CNTNAP5: variants seen among roughly 807,000 people sequenced by gnomAD.
CNTNAP5 encodes contactin associated protein family member 5.
In CNTNAP5, 72 loss-of-function variants were observed where a neutral mutation model predicts 150.2. The observed-to-expected ratio is 0.48, with a 90% CI of 0.40 to 0.58. CNTNAP5 has a LOEUF of 0.58. CNTNAP5 is among the 20% of genes least tolerant of loss of function. CNTNAP5 has a pLI of 0.00. For missense variants in CNTNAP5, 1,636 were observed against 1,626.2 expected (o/e 1.01, Z -0.10); for synonymous variants, 672 against 619.8 (o/e 1.08, Z -1.25).
At chr2:124,748,104 C>T (rs1680648443) in intron 14 of CNTNAP5, among the ~76,000 whole-genome samples, 1 of 151,924 alleles carries the variant, frequency 6.6e-6, no homozygotes, top group African/African-American at 2.4e-5. Context: ...TCTTCATGCT[C>T]CCATTGATGT....
intron 3 of CNTNAP5, among the ~76,000 whole-genome samples, chr2:124,306,719 C>CTTTTTTTTTT (rs762901729): frequency 1.2e-4 from 8 of 64,336 alleles, no homozygotes; most frequent in African/African-American, 4.4e-4. Context: ...CTCTCTCTTT[C>CTTTTTTTTTT]TTTTTTTTTT....
intron 3 of CNTNAP5, among the ~76,000 whole-genome samples, chr2:124,304,943 G>A (rs545892001): frequency 6.6e-6 from 1 of 151,890 alleles, no homozygotes; most frequent in South Asian, 2.1e-4. Flanking sequence ...TAGATTGGGG[G>A]TTATCCCAGG....
chr2:124,677,373 A>G (rs1270825175), intron 13 of CNTNAP5, among the ~76,000 whole-genome samples: 2 of 152,216 alleles, frequency 1.3e-5, no homozygotes, highest in African/African-American at 4.8e-5. Flanking sequence ...AGCAAGATTT[A>G]GTGTGAAGAG....
intron 12 of CNTNAP5, among the ~76,000 whole-genome samples, chr2:124,635,866 C>A (rs1391823545): frequency 6.6e-6 from 1 of 152,176 alleles, no homozygotes; most frequent in Non-Finnish European, 1.5e-5. Context: ...AATCAGCCTG[C>A]ATTCTCAGTG....
chr2:124,531,548 GA>G (rs1695109851), intron 10 of CNTNAP5, among the ~76,000 whole-genome samples: 1 of 152,064 alleles, frequency 6.6e-6, no homozygotes, highest in African/African-American at 2.4e-5. Context: ...ATCTATCCCT[GA>G]GTAGGATATG....
At chr2:124,483,746 CTG>C (rs1342106236) in intron 7 of CNTNAP5, among the ~76,000 whole-genome samples, 2 of 152,238 alleles carry the variant, frequency 1.3e-5, no homozygotes, top group Non-Finnish European at 2.9e-5. Context: ...TGAACATCTA[CTG>C]TGTTTACAGC....
chr2:124,290,829 A>AGGGCAT (rs1472300276), intron 3 of CNTNAP5, among the ~76,000 whole-genome samples: 5 of 151,998 alleles, frequency 3.3e-5, no homozygotes, highest in Non-Finnish European at 7.4e-5. Flanking sequence ...TACTCACCAC[A>AGGGCAT]GGCATTGCAG....
chr2:124,732,646 G>T (rs940736563), intron 13 of CNTNAP5, among the ~76,000 whole-genome samples: 1 of 152,034 alleles, frequency 6.6e-6, no homozygotes, highest in Non-Finnish European at 1.5e-5. Flanking sequence ...AAGCTATCCA[G>T]TTTATGGAAT....
chr2:124,724,897 G>A (rs1470156222), intron 13 of CNTNAP5, among the ~76,000 whole-genome samples: 2 of 136,528 alleles, frequency 1.5e-5, no homozygotes, highest in African/African-American at 5.3e-5. Flanking sequence ...CAATCCCTCA[G>A]CTTTTTTCAA....
At chr2:124,857,129 A>T (rs1483748194) in intron 19 of CNTNAP5, among the ~76,000 whole-genome samples, 5 of 152,052 alleles carry the variant, frequency 3.3e-5, no homozygotes, top group Admixed American at 2.0e-4. Flanking sequence ...TGGGGTGGAG[A>T]TGGGGTGACG....
chr2:124,489,148 C>T (rs917250925), intron 7 of CNTNAP5, among the ~76,000 whole-genome samples: 6 of 152,160 alleles, frequency 3.9e-5, no homozygotes, highest in Non-Finnish European at 7.4e-5. Flanking sequence ...TTCAACTCAG[C>T]GGTTTCATTA....
At chr2:124,436,682 G>T (rs1003298666) in intron 5 of CNTNAP5, among the ~76,000 whole-genome samples, 3 of 152,138 alleles carry the variant, frequency 2.0e-5, no homozygotes, top group Non-Finnish European at 2.9e-5. Context: ...CCTACTCCTT[G>T]CTATGTTACA....
intron 3 of CNTNAP5, among the ~76,000 whole-genome samples, chr2:124,311,211 GA>G (rs1688822376): frequency 6.6e-6 from 1 of 152,030 alleles, no homozygotes; most frequent in Non-Finnish European, 1.5e-5. Context: ...AATCCACTAG[GA>G]TTGCCATAAC....
At chr2:124,314,261 G>A (rs1688904924) in intron 3 of CNTNAP5, among the ~76,000 whole-genome samples, 3 of 152,126 alleles carry the variant, frequency 2.0e-5, no homozygotes, top group South Asian at 2.1e-4. Flanking sequence ...ACTGATTTCC[G>A]TGTTTCACAA....
At chr2:124,305,219 A>G (rs1688658029) in intron 3 of CNTNAP5, among the ~76,000 whole-genome samples, 1 of 151,266 alleles carries the variant, frequency 6.6e-6, no homozygotes, top group African/African-American at 2.4e-5. Context: ...TTGAGACTGT[A>G]GTAAGCTGAG....
chr2:124,695,710 A>G (rs373918954), intron 13 of CNTNAP5, among the ~76,000 whole-genome samples: 2 of 152,252 alleles, frequency 1.3e-5, no homozygotes, highest in East Asian at 3.9e-4. Context: ...AGCAATCTAC[A>G]TTGGGTCCAG....
chr2:124,883,164 C>T lies in CNTNAP5; in HGVS notation c.3436+13402C>T, dbSNP rs537575902. The stretch of plus-strand genomic sequence containing the variant: ...GTAACCTGTGCCTCCCAGGCTTAAG[C>T]AGTCCTCCCACCTCAGCCTCTCAAG... On this transcript the variant is annotated intron_variant, in intron 21 of 23. Transcript: ENST00000682447. 1.1e-3 allele frequency among the ~76,000 whole-genome samples: 169 copies of T among 151,414 alleles called. 2 individuals are homozygous for T. Among genetic ancestry groups the T allele is most frequent in the Admixed American group, 8.9e-3 (135 of 15,168 alleles).
intron 1 of CNTNAP5, among the ~76,000 whole-genome samples, chr2:124,163,530 G>A (rs1684738075): frequency 6.7e-6 from 1 of 149,024 alleles, no homozygotes; most frequent in Non-Finnish European, 1.5e-5. Flanking sequence ...TAGCTCTCAG[G>A]GCTCCTCATT....
chr2:124,397,966 A>G (rs753395703), intron 3 of CNTNAP5, among the ~76,000 whole-genome samples: 56 of 152,234 alleles, frequency 3.7e-4, no homozygotes, highest in Non-Finnish European at 6.6e-4. Flanking sequence ...TAATTTCATG[A>G]TAACTGATAC....
Sources: gnomAD v4.1 joint callset for allele counts (sites outside exome capture counted in the v4.1 genomes callset) on GRCh38, gnomAD v4.1.1 for gene constraint, MANE v1.5 for transcripts, NCBI Gene and HGNC (gene_info 2026-07-23, HGNC 2026-07-21) for gene names.